MTSS2: variants seen among roughly 807,000 people sequenced by gnomAD.
MTSS2 encodes MTSS I-BAR domain containing 2, also known as protein MTSS 2.
In MTSS2, 27 loss-of-function variants were observed where a neutral mutation model predicts 67.1. That is an observed-to-expected ratio of 0.40 (90% CI 0.30 to 0.55). MTSS2 has a LOEUF of 0.55. MTSS2 is among the 20% of genes least tolerant of loss of function. MTSS2 has a pLI of 0.43. For missense variants in MTSS2, 1,171 were observed against 1,067.8 expected, an observed-to-expected ratio of 1.10 and a Z score of -1.35; for synonymous variants, 624 against 468.6, an observed-to-expected ratio of 1.33 and a Z score of -4.28.
At chr16:70,671,723 G>GAAAT (rs1365063722) in intron 11 of MTSS2, among the ~76,000 whole-genome samples, 1 of 152,160 alleles carries the variant, frequency 6.6e-6, no homozygotes, top group Non-Finnish European at 1.5e-5. Flanking sequence ...TAAAAAGGGA[G>GAAAT]AAATAATGAC....
chr16:70,675,637 C>T (rs993632965), intron 10 of MTSS2, among the ~76,000 whole-genome samples: 3 of 152,194 alleles, frequency 2.0e-5, no homozygotes, highest in African/African-American at 7.2e-5. Context: ...AGGATGGTCT[C>T]AATCTCCTGA....
At chr16:70,678,114 G>C (rs1487989191) in intron 8 of MTSS2, 138 bp downstream of exon 8, 6 of 1,197,584 alleles carry the variant, frequency 5.0e-6, no homozygotes, top group African/African-American at 1.5e-5. Flanking sequence ...TGAGCTATGA[G>C]ACCTGCCTTT....
chr16:70,678,380 T>C lies in MTSS2; in HGVS notation c.496A>G (p.Ser166Gly). The C allele has an allele frequency of 2.5e-6, 4 of 1,612,486 alleles. No homozygotes were observed. Among genetic ancestry groups the C allele is most frequent in the Non-Finnish European group, 3.4e-6 (4 of 1,179,738 alleles). Residue 166 changes from serine to glycine, a missense_variant, in exon 8 of 15, where the codon AGT becomes GGT. Around this residue, in one of 2 missense-constraint regions of MTSS2, gnomAD observed 247 missense variants for 311.8 expected, o/e 0.79. Transcript: ENST00000338779. ...GKGDLQPQLD[S>G]ALQDVNDMYL... ...ATGTCGTTGACGTCCTGCAGGGCAC[T>C]GTCCAGCTGGGGCTGCAGGTCTCCT...
chr16:70,663,748 C>A lies in MTSS2; in HGVS notation c.2173G>T (p.Val725Leu), dbSNP rs759557581. 1 of 1,570,206 alleles carries A rather than the reference C, an allele frequency of 6.4e-7. No individual in the cohort carries two copies. The highest frequency in any genetic ancestry group is 1.2e-5 in the South Asian group (1 of 86,038). Residue 725 changes from valine (V) to leucine (L), a missense_variant, in exon 15 of 15, where the codon GTG becomes TTG. Around this residue, in one of 2 missense-constraint regions of MTSS2, gnomAD observed 924 missense variants for 756.0 expected, o/e 1.22. Transcript: ENST00000338779. ...AGCCGGACCCCACGCCGGATGGCCA[C>A]CAGCATGTCTTCGGCCGGGGGGTCG... ...TSDPPAEDMLVAIRRGVRLRR... is the reference protein window; with the variant it reads ...TSDPPAEDMLLAIRRGVRLRR...
chr16:70,664,745 G>A lies in MTSS2; in HGVS notation c.1324C>T (p.Pro442Ser). The A allele has an allele frequency of 6.2e-7, 1 of 1,612,006 alleles. No individual in the cohort carries two copies. Among genetic ancestry groups the A allele is most frequent in the Non-Finnish European group, 8.5e-7 (1 of 1,179,408 alleles). ...ACCATGGCCAGGTCACTGGCGGCGG[G>A]GGACACCTCCTCACCGTGCTGAGGG... ...IAAKHGEEVS[P>S]AASDLAMVLT... Residue 442 changes from proline to serine, a missense_variant, in exon 14 of 15, where the codon CCC (proline) becomes TCC (serine). Transcript: ENST00000338779.
chr16:70,665,471 T>G lies in MTSS2; in HGVS notation c.1123A>C (p.Thr375Pro), dbSNP rs1487404669. 7.7e-6 allele frequency: 12 copies of G among 1,553,314 alleles called. No individual in the cohort carries two copies. The highest frequency in any genetic ancestry group is 1.7e-4 in the Middle Eastern group (1 of 5,908). The change falls in exon 12 of 15, where the codon ACC (threonine) becomes CCC (proline). Residue 375 changes from threonine (T) to proline (P), a missense_variant. By Grantham distance (38) the Thr-to-Pro change is conservative. Around this residue, in one of 2 missense-constraint regions of MTSS2, gnomAD observed 924 missense variants for 756.0 expected, o/e 1.22. Coordinates refer to ENST00000338779, the MANE Select transcript of MTSS2 (RefSeq NM_138383.3). The part of the protein sequence containing the change: ...CQSVSECSSP[T>P]SDWSKVGSHE... ...GCCGGGCTGGGAGCACTGACCGAGG[T>G]GGGGGAGCTGCACTCGCTAACGGAC...
At position 70,663,294 on chromosome 16, in the gene MTSS2, G is replaced by A. The variant is rs2052561353; in HGVS notation, c.*383C>T. ...GGGGGCCAGCATTCCAGGAGGAGCT[G>A]AGGCAGGACCAGCCCTGGGAGAGGC... On this transcript the variant is annotated 3_prime_UTR_variant, in exon 15 of 15. Transcript: ENST00000338779. The A allele has an allele frequency of 4.6e-6, 1 of 216,964 alleles. No homozygotes were observed. The allele number at this position is 216,964 out of a possible 1,614,324, so 13.4% of individuals were successfully genotyped here.
chr16:70,669,261 G>C (rs557809471), intron 11 of MTSS2, among the ~76,000 whole-genome samples: 2 of 152,070 alleles, frequency 1.3e-5, no homozygotes, highest in East Asian at 1.9e-4. Context: ...TATCCGATGA[G>C]GAACTTTATC....
chr16:70,679,757 T>A (rs775096660), intron 5 of MTSS2, 29 bp downstream of exon 5: 4 of 1,608,800 alleles, frequency 2.5e-6, no homozygotes, highest in Non-Finnish European at 3.4e-6. Context: ...GAGTGGGGGG[T>A]GGGAAGCCCG....
intron 11 of MTSS2, 140 bp from the exon 12 acceptor site, chr16:70,665,680 C>A (rs531027184): frequency 2.6e-5 from 18 of 681,218 alleles, no homozygotes; most frequent in Admixed American, 8.1e-5. Context: ...ACCCACCCCC[C>A]CTACCCCAGG....
chr16:70,671,684 A>G (rs1232542525), intron 11 of MTSS2, among the ~76,000 whole-genome samples: 1 of 152,210 alleles, frequency 6.6e-6, no homozygotes, highest in Admixed American at 6.5e-5. Context: ...TCCTCTCAAA[A>G]GTATCCCCTC....
intron 11 of MTSS2, chr16:70,665,782 T>G (rs13334862): frequency 0.03 from 12,771 of 423,306 alleles, 1,328 homozygotes; most frequent in African/African-American, 0.22. Context: ...CCTGCGCATT[T>G]TGAAGACTGA....
intron 1 of MTSS2, among the ~76,000 whole-genome samples, chr16:70,685,177 G>A (rs1463863573): frequency 1.4e-5 from 2 of 146,606 alleles, no homozygotes; most frequent in Non-Finnish European, 3.0e-5. Context: ...GGAGACCTTG[G>A]AGTCCTGGAG....
intron 11 of MTSS2, among the ~76,000 whole-genome samples, chr16:70,669,461 T>C (rs1366913618): frequency 6.6e-6 from 1 of 152,158 alleles, no homozygotes; most frequent in South Asian, 2.1e-4. Flanking sequence ...GGTAGGAGGA[T>C]TGCTTGAGCC....
intron 11 of MTSS2, among the ~76,000 whole-genome samples, chr16:70,671,293 C>T (rs747073077): frequency 1.1e-4 from 17 of 150,016 alleles, no homozygotes; most frequent in Non-Finnish European, 2.2e-4. Context: ...ATCCCAGCTA[C>T]TTAGGAGGCT....
At chr16:70,668,197 G>C (rs1703485514) in intron 11 of MTSS2, among the ~76,000 whole-genome samples, 1 of 152,064 alleles carries the variant, frequency 6.6e-6, no homozygotes, top group South Asian at 2.1e-4. Flanking sequence ...TGGATTGCTT[G>C]AGAGTAGGAG....
rs758646856 is a variant in MTSS2, at chr16:70,664,588, G to T, written c.1471+10C>A. On this transcript the variant is annotated intron_variant, in intron 14 of 14. Transcript: ENST00000338779. ...CTGTCCCTGGTCCCACCCCAGCCCC[G>T]CGGGCCTGCCTTGGGAGGGGATGGT... 4.3e-6 allele frequency: 7 copies of T among 1,610,206 alleles called. No individual in the cohort carries two copies. The highest frequency in any genetic ancestry group is 3.3e-5 in the Admixed American group (2 of 59,922).
At position 70,665,465 on chromosome 16, in the gene MTSS2, C is replaced by A; in HGVS notation, c.1128+1G>T. 1 of 1,553,966 alleles carries A rather than the reference C, an allele frequency of 6.4e-7. No homozygotes were observed. The highest frequency in any genetic ancestry group is 8.7e-7 in the Non-Finnish European group (1 of 1,150,030). ...CCTGGGGCCGGGCTGGGAGCACTGA[C>A]CGAGGTGGGGGAGCTGCACTCGCTA... On this transcript the variant is annotated splice_donor_variant, in intron 12 of 14. Transcript: ENST00000338779. LOFTEE classifies it high-confidence loss of function.
At chr16:70,680,460 G>A (rs79254227) in intron 3 of MTSS2, among the ~76,000 whole-genome samples, 3,483 of 152,288 alleles carry the variant, frequency 0.023, 144 homozygotes, top group African/African-American at 0.078. Flanking sequence ...CCAACGGCGC[G>A]CTCACCTGAC....
Sources: allele counts gnomAD v4.1 joint callset (sites outside exome capture counted in the v4.1 genomes callset), GRCh38; gene constraint gnomAD v4.1.1; regional missense constraint gnomAD v4.1.1; transcripts MANE v1.5; gene names NCBI Gene and HGNC (gene_info 2026-07-23, HGNC 2026-07-21).